UNC80: variants seen among roughly 807,000 people sequenced by gnomAD.
The protein encoded by UNC80 is protein unc-80 homolog.
Under a neutral mutation model 384.6 loss-of-function variants are expected in UNC80, and 164 were observed. That is an observed-to-expected ratio of 0.43 (90% CI 0.38 to 0.49). The LOEUF is 0.49. UNC80 is among the 20% of genes least tolerant of loss of function. The probability of loss-of-function intolerance (pLI) is 0.00; values close to 1 mark genes in which losing one functional copy is unlikely to be tolerated. For synonymous variants in UNC80, 1,486 were observed against 1,527.8 expected, an observed-to-expected ratio of 0.97 and a Z score of 0.64; for missense variants, 3,330 against 4,143.0, an observed-to-expected ratio of 0.80 and a Z score of 5.39.
At chr2:209,831,642 A>G (rs1222674939) in intron 16 of UNC80, 51 bp downstream of exon 16, 12 of 1,444,270 alleles carry the variant, frequency 8.3e-6, no homozygotes, top group Non-Finnish European at 1.1e-5. Context: ...CTGCCCTGAG[A>G]AAAGTACTCA....
At position 209,945,914 on chromosome 2, in the gene UNC80, G is replaced by C; in HGVS notation, c.7257G>C (p.Val2419=). The change falls in exon 47 of 65, where the codon GTG becomes GTC. Residue 2419 remains valine (V), a synonymous_variant. Transcript: ENST00000673920. ...AAGCCATTAAGCTCTGTGTCACTGT[G>C]GTGGCGTATGCTCCCGAATCATTCA... is the stretch of plus-strand genomic sequence containing the variant. ...ISEAIKLCVT[V]VAYAPESFRS... The C allele has an allele frequency of 6.4e-7, 1 of 1,551,808 alleles. No homozygotes were observed. The highest frequency in any genetic ancestry group is 1.2e-5 in the South Asian group (1 of 84,036).
chr2:209,819,423 T>C (rs1327431016), intron 12 of UNC80, among the ~76,000 whole-genome samples, 162 bp downstream of exon 12: 1 of 152,130 alleles, frequency 6.6e-6, no homozygotes, highest in Admixed American at 6.5e-5. Context: ...TCAACCATCA[T>C]AGGTGCACCT....
At chr2:209,852,998 T>G (rs1453910720) in intron 22 of UNC80, among the ~76,000 whole-genome samples, 1 of 152,120 alleles carries the variant, frequency 6.6e-6, no homozygotes, top group Non-Finnish European at 1.5e-5. Context: ...GAGGTACACA[T>G]GTGGATCTAG....
chr2:209,802,961 T>C (rs2153826425), intron 7 of UNC80, among the ~76,000 whole-genome samples: 1 of 152,330 alleles, frequency 6.6e-6, no homozygotes. Context: ...CCCACAGTTA[T>C]TTTCCACATG....
In UNC80 at chr2:209,966,422, C is replaced by T. The variant is rs564825112; in HGVS notation, c.7806-1015C>T. ...ATCTTGTACACATTCTGCATCTACT[C>T]GGTATATTTTATCAGGAGCCACTGT... On this transcript the variant is annotated intron_variant, in intron 51 of 64. Coordinates refer to ENST00000673920, the MANE Select transcript of UNC80 (RefSeq NM_001371986.1). Among the ~76,000 whole-genome samples, 9 of 152,254 alleles carry T rather than the reference C, an allele frequency of 5.9e-5. 1 individual carries two copies. Among genetic ancestry groups the T allele is most frequent in the South Asian group, 4.1e-4 (2 of 4,820 alleles).
In UNC80 at chr2:209,834,970, C is replaced by T. The variant is rs374099180; in HGVS notation, c.3001C>T (p.Arg1001Cys). 119 of 1,551,004 alleles carry T rather than the reference C, an allele frequency of 7.7e-5. 1 individual carries two copies. Among genetic ancestry groups the T allele is most frequent in the Non-Finnish European group, 9.7e-5 (111 of 1,146,562 alleles). ...GGTATCCTCTGCACCTGAGGAATGTCGCAGCTTCATGTCTGGTCGCCCCTC... is the reference window on the plus strand; with the variant it reads ...GGTATCCTCTGCACCTGAGGAATGTTGCAGCTTCATGTCTGGTCGCCCCTC... ...GQVSSAPEEC[R>C]SFMSGRPSQT... is the part of the protein sequence containing the mutation. The change falls in exon 18 of 65, where the codon CGC becomes TGC. Residue 1001 changes from arginine (R) to cysteine (C), a missense_variant. Physicochemically the swap from Arg to Cys is radical, Grantham distance 180 (BLOSUM62 -3). This residue lies in a region of UNC80 where 801 missense variants were observed against 950.8 expected (regional missense o/e 0.84). Coordinates refer to ENST00000673920, the MANE Select transcript of UNC80 (RefSeq NM_001371986.1).
At chr2:209,914,551 C>T (rs2089296268) in intron 31 of UNC80, among the ~76,000 whole-genome samples, 1 of 146,020 alleles carries the variant, frequency 6.8e-6, no homozygotes, top group Non-Finnish European at 1.5e-5. Context: ...TGACCCGCCC[C>T]CCTCTCCCCA....
chr2:209,864,479 C>T (rs539215455), intron 22 of UNC80, among the ~76,000 whole-genome samples: 6 of 152,296 alleles, frequency 3.9e-5, no homozygotes, highest in South Asian at 2.1e-4. Context: ...TCTGCTGGCC[C>T]GAAGAAGAGA....
chr2:209,987,676 T>A (rs1194684128), intron 61 of UNC80, among the ~76,000 whole-genome samples: 1 of 152,112 alleles, frequency 6.6e-6, no homozygotes, highest in African/African-American at 2.4e-5. Context: ...ACTCTAATTT[T>A]TTTTTAAAAA....
At position 209,840,578 on chromosome 2, in the gene UNC80, C is replaced by A; in HGVS notation, c.3287C>A (p.Ala1096Glu). ...AAGAGATCATCCCTCTCAGGCCTGG[C>A]AGATGGTGTGGAGGACCTCCTGGAC... The part of the protein sequence containing the change: ...WLKRSSLSGL[A>E]DGVEDLLDIS... Residue 1096 changes from alanine to glutamate, a missense_variant, in exon 20 of 65, where the codon GCA (alanine) becomes GAA (glutamate). By Grantham distance (107) the Ala-to-Glu change is moderately radical (BLOSUM62 -1). Transcript: ENST00000673920. The A allele has an allele frequency of 6.4e-7, 1 of 1,551,838 alleles. No homozygotes were observed. The highest frequency in any genetic ancestry group is 8.7e-7 in the Non-Finnish European group (1 of 1,146,992).
At position 209,789,537 on chromosome 2, in the gene UNC80, A is replaced by G; in HGVS notation, c.730A>G (p.Arg244Gly). 1 of 1,612,304 alleles carries G rather than the reference A, an allele frequency of 6.2e-7. No individual in the cohort carries two copies. The highest frequency in any genetic ancestry group is 1.7e-5 in the Admixed American group (1 of 59,894). ...KPIRNIITAK[R>G]SSPINSQSRT... ...AACTTCTTCCGTCTTTTCAGCTAAG[A>G]GAAGTTCTCCTATCAACAGTCAAAG... is the stretch of plus-strand genomic sequence containing the variant. The change falls in exon 6 of 65, where the codon AGA (arginine) becomes GGA (glycine). Residue 244 changes from arginine to glycine, a missense_variant. By Grantham distance (125) the Arg-to-Gly change is moderately radical. Coordinates refer to ENST00000673920, the MANE Select transcript of UNC80 (RefSeq NM_001371986.1).
chr2:209,972,942 C>G, intron 55 of UNC80, 122 bp from the exon 56 acceptor site: 1 of 837,192 alleles, frequency 1.2e-6, no homozygotes, highest in Non-Finnish European at 1.9e-6. Context: ...TGGGAAACAC[C>G]TGAATTTCTA....
intron 19 of UNC80, among the ~76,000 whole-genome samples, chr2:209,840,325 A>AC (rs2081644687): frequency 6.6e-6 from 1 of 152,198 alleles, no homozygotes; most frequent in Non-Finnish European, 1.5e-5. Flanking sequence ...TTTCCTTTCA[A>AC]CCCAGATTCT....
chr2:209,985,046 T>A, intron 61 of UNC80, 134 bp downstream of exon 61: 1 of 748,410 alleles, frequency 1.3e-6, no homozygotes. Context: ...TGCCCTTTGT[T>A]GTTCATGAAC....
intron 63 of UNC80, among the ~76,000 whole-genome samples, chr2:209,993,713 G>A (rs765102497): frequency 6.6e-6 from 1 of 152,180 alleles, no homozygotes; most frequent in Non-Finnish European, 1.5e-5. Flanking sequence ...CTGAAGCCAA[G>A]GACTGGGTTT....
At chr2:209,923,242 T>C (rs2090172611) in intron 35 of UNC80, among the ~76,000 whole-genome samples, 1 of 152,204 alleles carries the variant, frequency 6.6e-6, no homozygotes, top group South Asian at 2.1e-4. Context: ...GTGCTTTTAG[T>C]GTCATATCTA....
rs2081832536 is a variant in UNC80, at chr2:209,842,386, G to A, written c.3394G>A (p.Gly1132Arg). Reference protein sequence around the residue: ...FTSAVKLSEGGPGSGMENGRD... With the variant: ...FTSAVKLSEGRPGSGMENGRD... ...TAGTGCTGTGAAGCTTTCTGAAGGT[G>A]GGCCAGGAAGTGGCATGGAAAATGG... is the stretch of plus-strand genomic sequence containing the variant. Residue 1132 changes from glycine to arginine, a missense_variant, in exon 21 of 65, where the codon GGG (glycine) becomes AGG (arginine). This residue lies in a region of UNC80 where 801 missense variants were observed against 950.8 expected (regional missense o/e 0.84). Transcript: ENST00000673920. 6.4e-7 allele frequency: 1 copy of A among 1,550,572 alleles called. No individual in the cohort carries two copies. Among genetic ancestry groups the A allele is most frequent in the South Asian group, 1.2e-5 (1 of 83,970 alleles).
chr2:209,880,711 T>C (rs1409656945), intron 24 of UNC80, among the ~76,000 whole-genome samples: 7 of 152,208 alleles, frequency 4.6e-5, no homozygotes, highest in Non-Finnish European at 8.8e-5. Context: ...ACTGAAGCAC[T>C]CTGTAGAATT....
chr2:209,965,561 C>T (rs887480541), intron 51 of UNC80, among the ~76,000 whole-genome samples: 8 of 151,356 alleles, frequency 5.3e-5, no homozygotes, highest in African/African-American at 1.5e-4. Flanking sequence ...GTTGGGATTA[C>T]GGGTGCCCAC....
Sources: gnomAD v4.1 joint callset for allele counts (sites outside exome capture counted in the v4.1 genomes callset) on GRCh38, gnomAD v4.1.1 for gene constraint, gnomAD v4.1.1 regional missense constraint, MANE v1.5 for transcripts, NCBI Gene and HGNC (gene_info 2026-07-23, HGNC 2026-07-21) for gene names.